Variants in KIF1B observed in about 807,000 individuals in gnomAD.
KIF1B encodes kinesin-like protein KIF1B.
A neutral mutation model predicts 241.9 loss-of-function variants in KIF1B; 76 were observed. The ratio of observed to expected loss-of-function variants is 0.31; its 90% CI spans 0.26 to 0.38. KIF1B has a LOEUF of 0.38. KIF1B is among the 10% of genes least tolerant of loss of function. The probability of loss-of-function intolerance (pLI) is 1.00; values close to 1 mark genes in which losing one functional copy is unlikely to be tolerated. For missense variants in KIF1B, 1,622 were observed against 2,271.4 expected, an observed-to-expected ratio of 0.71 and a Z score of 5.81; for synonymous variants, 750 against 796.7, an observed-to-expected ratio of 0.94 and a Z score of 0.99.
intron 22 of KIF1B, among the ~76,000 whole-genome samples, chr1:10,319,114 T>TG (rs1425111308): frequency 6.8e-6 from 1 of 146,088 alleles, no homozygotes; most frequent in African/African-American, 2.8e-5. Context: ...TTTTTTTTTT[T>TG]TTTTTTGAGA....
At chr1:10,313,707 C>T (rs1461540025) in intron 22 of KIF1B, among the ~76,000 whole-genome samples, 5 of 150,596 alleles carry the variant, frequency 3.3e-5, no homozygotes, top group Admixed American at 6.6e-5. Flanking sequence ...CCCACCACCA[C>T]ACCCGGCTAA....
At chr1:10,372,648 AGCTTGGGT>A (rs1638768275) in intron 45 of KIF1B, among the ~76,000 whole-genome samples, 1 of 120,124 alleles carries the variant, frequency 8.3e-6, no homozygotes, top group African/African-American at 3.2e-5. Flanking sequence ...GCTGCGCGCC[AGCTTGGGT>A]GACAGAGCTG....
intron 4 of KIF1B, among the ~76,000 whole-genome samples, chr1:10,261,658 A>G (rs998646116): frequency 6.6e-5 from 10 of 152,154 alleles, no homozygotes; most frequent in Admixed American, 6.5e-4. Flanking sequence ...GGTGACAGGA[A>G]TTTTCCAGCT....
chr1:10,246,417 C>T (rs1359592552), intron 2 of KIF1B, among the ~76,000 whole-genome samples: 1 of 152,160 alleles, frequency 6.6e-6, no homozygotes, highest in African/African-American at 2.4e-5. Flanking sequence ...CTGCTTTTGC[C>T]CTTGTTTCCA....
Position 10,282,294 on chromosome 1 carries a change from C to T in KIF1B, c.1223-28C>T, listed in dbSNP as rs3748575. 761,738 of 1,567,214 alleles carry T rather than the reference C, an allele frequency of 0.49. 188,437 individuals carry two copies. The highest frequency in any genetic ancestry group is 0.72 in the African/African-American group (52,976 of 73,948). The stretch of plus-strand genomic sequence containing the variant: ...GCTTCTTTCCCTTTTCCCTACTTTT[C>T]CTGCCTTCTCTTCTTTCTATCTCCC... On this transcript the variant is annotated intron_variant, in intron 14 of 48. Coordinates refer to ENST00000676179, the MANE Select transcript of KIF1B (RefSeq NM_001365951.3).
intron 28 of KIF1B, among the ~76,000 whole-genome samples, chr1:10,335,840 T>TG (rs1306184852): frequency 8.1e-4 from 103 of 126,432 alleles, no homozygotes; most frequent in African/African-American, 3.0e-3. Flanking sequence ...AAAAAACAAT[T>TG]GAAAAAAAAA....
rs531669520 is a variant in KIF1B, at chr1:10,380,932, T to C, written c.*4345T>C. The C allele has an allele frequency of 4.6e-6, 1 of 219,524 alleles. No individual in the cohort carries two copies. Among genetic ancestry groups the C allele is most frequent in the Admixed American group, 5.8e-5 (1 of 17,324 alleles). 13.6% of individuals were successfully genotyped at this position (219,524 alleles called of 1,614,324 possible). ...TTGCTGCTGTTATTCAAAAGGCCAT[T>C]TATGAAGTTAGTATTTGAGCCCCAT... is the stretch of plus-strand genomic sequence containing the variant. On this transcript the variant is annotated 3_prime_UTR_variant, in exon 49 of 49. Transcript: ENST00000676179.
intron 2 of KIF1B, among the ~76,000 whole-genome samples, chr1:10,242,291 T>C (rs1026656759): frequency 4.0e-5 from 6 of 151,596 alleles, no homozygotes; most frequent in Admixed American, 3.3e-4. Context: ...CGGTAGGTGA[T>C]TTTGTTGTGC....
chr1:10,323,029 G>T (rs1651583156), intron 24 of KIF1B, among the ~76,000 whole-genome samples: 1 of 152,074 alleles, frequency 6.6e-6, no homozygotes, highest in Non-Finnish European at 1.5e-5. Context: ...CACCTTCTGG[G>T]CTGGGCTCAG....
At chr1:10,320,403 A>T (rs1228078295) in intron 23 of KIF1B, among the ~76,000 whole-genome samples, 1 of 152,142 alleles carries the variant, frequency 6.6e-6, no homozygotes, top group African/African-American at 2.4e-5. Flanking sequence ...TAGGAAGTTG[A>T]CCTGCACTGT....
At chr1:10,304,949 G>T (rs923418315) in intron 22 of KIF1B, 1 of 1,195,242 alleles carries the variant, frequency 8.4e-7, no homozygotes, top group East Asian at 3.9e-5. Context: ...CCATCTTGAT[G>T]TAAGTTTGTT....
intron 16 of KIF1B, among the ~76,000 whole-genome samples, 186 bp downstream of exon 16, chr1:10,291,347 A>T (rs1649986736): frequency 6.6e-6 from 1 of 152,230 alleles, no homozygotes; most frequent in African/African-American, 2.4e-5. Flanking sequence ...ACATCTACAT[A>T]TTTAAATATT....
At chr1:10,278,290 C>G (rs1160264831) in intron 13 of KIF1B, among the ~76,000 whole-genome samples, 162 bp downstream of exon 13, 1 of 151,954 alleles carries the variant, frequency 6.6e-6, no homozygotes, top group African/African-American at 2.4e-5. Context: ...CTTAAAAAAC[C>G]CAATGGAAAT....
chr1:10,338,565 C>T (rs958642914), intron 31 of KIF1B, among the ~76,000 whole-genome samples: 5 of 152,158 alleles, frequency 3.3e-5, no homozygotes, highest in South Asian at 2.1e-4. Flanking sequence ...GCAACTGATA[C>T]GTTTTATGGA....
chr1:10,317,500 G>A lies in KIF1B; in HGVS notation c.2116-2543G>A, dbSNP rs1651351529. Among the ~76,000 whole-genome samples the A allele has an allele frequency of 1.3e-5, 2 of 151,214 alleles. 1 individual carries two copies. The highest frequency in any genetic ancestry group is 4.9e-5 in the African/African-American group (2 of 40,608). On this transcript the variant is annotated intron_variant, in intron 22 of 48. Transcript: ENST00000676179. ...AGTGGTACTTAGAAACCAAGATCTAGGTGCTAAGTATGCTTAAACAATAAC... is the reference window on the plus strand; with the variant it reads ...AGTGGTACTTAGAAACCAAGATCTAAGTGCTAAGTATGCTTAAACAATAAC...
chr1:10,282,292 T>C (rs1263341384), intron 14 of KIF1B, 30 bp from the exon 15 acceptor site: 19 of 1,565,644 alleles, frequency 1.2e-5, no homozygotes, highest in Non-Finnish European at 1.5e-5. Context: ...TTCCCTACTT[T>C]TCCTGCCTTC....
chr1:10,223,892 A>C (rs1166301609), intron 1 of KIF1B, among the ~76,000 whole-genome samples: 1 of 152,116 alleles, frequency 6.6e-6, no homozygotes, highest in African/African-American at 2.4e-5. Flanking sequence ...ATTTAGGTTT[A>C]GGTTGTTTTG....
intron 2 of KIF1B, among the ~76,000 whole-genome samples, chr1:10,252,942 C>T (rs1466804109): frequency 6.6e-6 from 1 of 152,100 alleles, no homozygotes; most frequent in Non-Finnish European, 1.5e-5. Context: ...ACAGGCTGGT[C>T]TGCAACTCCT....
chr1:10,288,425 G>A (rs935418309), intron 15 of KIF1B, among the ~76,000 whole-genome samples: 5 of 152,122 alleles, frequency 3.3e-5, no homozygotes, highest in Non-Finnish European at 7.4e-5. Context: ...GCACTGCATG[G>A]TAATCATTTC....
Sources: gnomAD v4.1 joint callset for allele counts (sites outside exome capture counted in the v4.1 genomes callset) on GRCh38, gnomAD v4.1.1 for gene constraint, MANE v1.5 for transcripts, NCBI Gene and HGNC (gene_info 2026-07-23, HGNC 2026-07-21) for gene names.